Variants in PCDH9 observed in about 807,000 individuals in gnomAD.
PCDH9 encodes protocadherin 9.
A neutral mutation model predicts 70.6 loss-of-function variants in PCDH9; 24 were observed. The observed-to-expected ratio is 0.34, with a 90% CI of 0.25 to 0.48. The LOEUF is 0.48. Among genes scored for constraint, PCDH9 ranks in the 20% least tolerant of loss-of-function variants. The pLI, the probability that PCDH9 is intolerant of heterozygous loss-of-function variation, is 0.99. For synonymous variants in PCDH9, 562 were observed against 558.5 expected (o/e 1.01, Z -0.09); for missense variants, 1,281 against 1,503.6 (o/e 0.85, Z 2.45).
chr13:66,437,004 T>G (rs1018555544), intron 4 of PCDH9, among the ~76,000 whole-genome samples: 4 of 151,448 alleles, frequency 2.6e-5, no homozygotes, highest in Non-Finnish European at 5.9e-5. Flanking sequence ...TCAAAGGAAC[T>G]ATGATCAAGC....
At chr13:66,580,670 T>C (rs1180434005) in intron 4 of PCDH9, among the ~76,000 whole-genome samples, 1 of 151,844 alleles carries the variant, frequency 6.6e-6, no homozygotes, top group Non-Finnish European at 1.5e-5. Context: ...CACCCCACAC[T>C]GTACAGCTTA....
chr13:66,366,053 A>G (rs1956548939), intron 4 of PCDH9, among the ~76,000 whole-genome samples: 1 of 152,102 alleles, frequency 6.6e-6, no homozygotes, highest in Non-Finnish European at 1.5e-5. Context: ...AAAAGTATAC[A>G]TAGTAAAACT....
chr13:66,390,001 C>T lies in PCDH9; in HGVS notation c.3341-84973G>A, dbSNP rs144490576. 1.1e-4 allele frequency among the ~76,000 whole-genome samples: 17 copies of T among 152,218 alleles called. No individual in the cohort carries two copies. In the East Asian group the frequency reaches 3.3e-3, roughly 29 times the overall value. On this transcript the variant is annotated intron_variant, in intron 4 of 4. Coordinates refer to ENST00000377865, the MANE Select transcript of PCDH9 (RefSeq NM_203487.3). ...TCTTTTCATAGTCACCGATCTTTTGCAGTCAGAGAGAGTGAGAGACAAAGA... is the reference window on the plus strand; with the variant it reads ...TCTTTTCATAGTCACCGATCTTTTGTAGTCAGAGAGAGTGAGAGACAAAGA...
chr13:66,498,537 A>G (rs1007804168), intron 4 of PCDH9, among the ~76,000 whole-genome samples: 5 of 152,132 alleles, frequency 3.3e-5, no homozygotes, highest in Non-Finnish European at 7.4e-5. Flanking sequence ...CTTCCTCAAT[A>G]TCCCTGTGAT....
At chr13:67,092,087 T>G (rs2086229388) in intron 2 of PCDH9, among the ~76,000 whole-genome samples, 1 of 152,198 alleles carries the variant, frequency 6.6e-6, no homozygotes, top group South Asian at 2.1e-4. Context: ...TGATATTCTA[T>G]GCTAATATTT....
intron 4 of PCDH9, among the ~76,000 whole-genome samples, chr13:66,357,834 G>A (rs187711838): frequency 3.9e-5 from 6 of 152,144 alleles, no homozygotes; most frequent in Non-Finnish European, 8.8e-5. Flanking sequence ...AGCATGGAAC[G>A]CAGAGCTTTA....
intron 2 of PCDH9, chr13:67,204,600 T>C (rs1201009445): frequency 6.6e-6 from 1 of 152,200 alleles, no homozygotes; most frequent in Admixed American, 6.5e-5. Flanking sequence ...GACTATTTAA[T>C]TTGGCTCTTG....
rs771369929 is a variant in PCDH9 at position 66,304,606 on chromosome 13, C to T, written c.*49G>A. On this transcript the variant is annotated 3_prime_UTR_variant, in exon 5 of 5. Transcript: ENST00000377865. ...TGAATACATAAAGCTCTGACGCACA[C>T]GGTATTAGCATGTCTATTTAAAGTT... 29 of 1,465,188 alleles carry T rather than the reference C, an allele frequency of 2.0e-5. No individual in the cohort carries two copies. The highest frequency in any genetic ancestry group is 1.1e-4 in the South Asian group (9 of 84,172). 90.8% of individuals were successfully genotyped at this position (1,465,188 alleles called of 1,614,324 possible).
intron 4 of PCDH9, among the ~76,000 whole-genome samples, chr13:66,584,092 T>C (rs1367834483): frequency 6.6e-6 from 1 of 152,164 alleles, no homozygotes. Context: ...AGGTAGTATG[T>C]TGTGTTGTGT....
At chr13:66,349,107 G>C (rs756407037) in intron 4 of PCDH9, among the ~76,000 whole-genome samples, 3 of 152,116 alleles carry the variant, frequency 2.0e-5, no homozygotes, top group African/African-American at 7.2e-5. Flanking sequence ...GAATTACTGA[G>C]AGTTTGACAA....
Position 67,225,676 on chromosome 13 carries a change from G to C in PCDH9, c.2765C>G (p.Pro922Arg). 2 of 1,614,094 alleles carry C rather than the reference G, an allele frequency of 1.2e-6. No individual in the cohort carries two copies. The highest frequency in any genetic ancestry group is 1.1e-5 in the South Asian group (1 of 91,080). The change falls in exon 2 of 5, where the codon CCG becomes CGG. Residue 922 changes from proline to arginine, a missense_variant. Physicochemically the swap from Pro to Arg is moderately radical, Grantham distance 103. Coordinates refer to ENST00000377865, the MANE Select transcript of PCDH9 (RefSeq NM_203487.3). ...AGGCTTGAATGTTGTTGGAGGTGCC[G>C]GGCCCCAGTCAAATCTTCCTATACT... The part of the protein sequence containing the change: ...EQSIGRFDWG[P>R]APPTTFKPNS...
At position 66,978,797 on chromosome 13, in the gene PCDH9, C is replaced by T. The variant is rs1044094415; in HGVS notation, c.3037-75192G>A. 1.1e-4 allele frequency among the ~76,000 whole-genome samples: 11 copies of T among 100,148 alleles called. No homozygotes were observed. The East Asian group carries it at 1.4e-3, about 12-fold the overall frequency. 65.7% of individuals were successfully genotyped at this position (100,148 alleles called of 152,430 possible). On this transcript the variant is annotated intron_variant, in intron 2 of 4. Coordinates refer to ENST00000377865, the MANE Select transcript of PCDH9 (RefSeq NM_203487.3). ...TTGGCCTTAACTTCATATATATGTA[C>T]ATAAATGTATGTATATATGTGTGTA... is the stretch of plus-strand genomic sequence containing the variant.
chr13:66,338,328 T>C (rs777467135), intron 4 of PCDH9, among the ~76,000 whole-genome samples: 3 of 152,066 alleles, frequency 2.0e-5, no homozygotes, highest in Non-Finnish European at 4.4e-5. Context: ...CTTGAAGTGT[T>C]CAAAACATAA....
intron 3 of PCDH9, among the ~76,000 whole-genome samples, chr13:66,717,699 T>C (rs2078889871): frequency 6.6e-6 from 1 of 151,674 alleles, no homozygotes; most frequent in Non-Finnish European, 1.5e-5. Context: ...CAGGCTTCCA[T>C]CTCAAATCTC....
At chr13:67,054,708 C>T (rs2085385616) in intron 2 of PCDH9, among the ~76,000 whole-genome samples, 1 of 152,064 alleles carries the variant, frequency 6.6e-6, no homozygotes, top group Admixed American at 6.6e-5. Context: ...TGATTATAAT[C>T]TGTTATAATC....
chr13:67,196,872 C>T (rs1166202943), intron 2 of PCDH9, among the ~76,000 whole-genome samples: 1 of 151,874 alleles, frequency 6.6e-6, no homozygotes, highest in Admixed American at 6.6e-5. Context: ...AAAATGTGCA[C>T]ATTTTCAAAC....
At chr13:66,987,205 T>G (rs1336385372) in intron 2 of PCDH9, among the ~76,000 whole-genome samples, 1 of 152,056 alleles carries the variant, frequency 6.6e-6, no homozygotes, top group Non-Finnish European at 1.5e-5. Context: ...ATATATGCTT[T>G]GTAATATGTA....
intron 3 of PCDH9, among the ~76,000 whole-genome samples, chr13:66,889,290 A>T (rs1041096590): frequency 6.6e-6 from 1 of 152,228 alleles, no homozygotes; most frequent in Non-Finnish European, 1.5e-5. Flanking sequence ...GTCTTATTTA[A>T]ACTAAACATA....
intron 2 of PCDH9, among the ~76,000 whole-genome samples, chr13:66,926,958 A>G (rs1171198442): frequency 1.3e-5 from 2 of 152,102 alleles, no homozygotes; most frequent in Admixed American, 1.3e-4. Context: ...TTAGAATAAC[A>G]TTAGTATGGC....
Sources: gnomAD v4.1 joint callset for allele counts (sites outside exome capture counted in the v4.1 genomes callset) on GRCh38, gnomAD v4.1.1 for gene constraint, MANE v1.5 for transcripts, NCBI Gene and HGNC (gene_info 2026-07-23, HGNC 2026-07-21) for gene names.